Variants in ACTN2 observed in about 807,000 individuals in gnomAD.
ACTN2 encodes the protein actinin alpha 2.
ACTN2 carries 39 observed loss-of-function variants against 113.8 expected under a neutral mutation model. The observed-to-expected ratio is 0.34, with a 90% CI of 0.27 to 0.45. The LOEUF is 0.45. Among genes scored for constraint, ACTN2 ranks in the 20% least tolerant of loss-of-function variants. The pLI is 1.00. For missense variants in ACTN2, 992 were observed against 1,177.9 expected, an observed-to-expected ratio of 0.84 and a Z score of 2.31; for synonymous variants, 429 against 444.1, an observed-to-expected ratio of 0.97 and a Z score of 0.43.
chr1:236,731,521 TCAAA>T (rs1658712094), intron 7 of ACTN2, among the ~76,000 whole-genome samples: 1 of 152,178 alleles, frequency 6.6e-6, no homozygotes, highest in South Asian at 2.1e-4. Context: ...AATTGTACCC[TCAAA>T]CAAGCCAGCA....
intron 1 of ACTN2, among the ~76,000 whole-genome samples, chr1:236,696,458 TTTAAG>T (rs1400837946): frequency 6.6e-6 from 1 of 152,178 alleles, no homozygotes; most frequent in African/African-American, 2.4e-5. Flanking sequence ...ATGTGGAGTC[TTTAAG>T]TTATTTTGTT....
chr1:236,711,951 G>A (rs1658040186), intron 1 of ACTN2, among the ~76,000 whole-genome samples: 3 of 152,294 alleles, frequency 2.0e-5, no homozygotes, highest in South Asian at 4.1e-4. Flanking sequence ...GTCTGTATCT[G>A]ATTCAGTAAA....
chr1:236,747,286 G>A (rs916857042), intron 12 of ACTN2, among the ~76,000 whole-genome samples: 7 of 152,182 alleles, frequency 4.6e-5, no homozygotes, highest in African/African-American at 1.7e-4. Context: ...AGTGATGACA[G>A]TTAACAAAAC....
At chr1:236,736,979 A>G (rs1658896718) in intron 8 of ACTN2, 143 bp from the exon 9 acceptor site, 1 of 690,952 alleles carries the variant, frequency 1.4e-6, no homozygotes, top group Admixed American at 2.1e-5. Flanking sequence ...CCATGCCTTC[A>G]GTCTGACCGC....
At chr1:236,759,851 T>C (rs1659654799) in intron 19 of ACTN2, 62 bp downstream of exon 19, 2 of 1,518,078 alleles carry the variant, frequency 1.3e-6, no homozygotes, top group East Asian at 2.3e-5. Flanking sequence ...ATTTCTGTTA[T>C]AAAAGATGAC....
chr1:236,737,486 C>T (rs536726039), intron 9 of ACTN2, among the ~76,000 whole-genome samples: 3 of 150,574 alleles, frequency 2.0e-5, no homozygotes, highest in East Asian at 2.0e-4. Context: ...TAGGAGAATG[C>T]GATTCTCTGC....
chr1:236,746,501 A>G (rs1659242732), intron 12 of ACTN2, among the ~76,000 whole-genome samples: 1 of 152,002 alleles, frequency 6.6e-6, no homozygotes, highest in Non-Finnish European at 1.5e-5. Flanking sequence ...TGAGACCAGG[A>G]GTTCGAGACC....
intron 1 of ACTN2, among the ~76,000 whole-genome samples, chr1:236,694,191 G>C (rs1657393175): frequency 6.6e-6 from 1 of 151,290 alleles, no homozygotes. Flanking sequence ...CTCACACAGA[G>C]TCTGCACTGA....
intron 1 of ACTN2, among the ~76,000 whole-genome samples, chr1:236,689,515 A>T (rs1200191978): frequency 3.3e-5 from 5 of 151,754 alleles, no homozygotes; most frequent in Non-Finnish European, 7.4e-5. Flanking sequence ...CACATGGCTA[A>T]TTTTTTTATT....
At chr1:236,731,956 C>A (rs1002274032) in intron 7 of ACTN2, among the ~76,000 whole-genome samples, 1 of 152,192 alleles carries the variant, frequency 6.6e-6, no homozygotes, top group Non-Finnish European at 1.5e-5. Flanking sequence ...CTACAGCAGA[C>A]CACTGAAAGC....
chr1:236,752,845 G>T (rs970187485), intron 15 of ACTN2, among the ~76,000 whole-genome samples: 2 of 152,150 alleles, frequency 1.3e-5, no homozygotes, highest in South Asian at 2.1e-4. Flanking sequence ...GAGCCGTCAC[G>T]CCTGGGCAGA....
chr1:236,752,783 C>T (rs1659437749), intron 15 of ACTN2, among the ~76,000 whole-genome samples: 1 of 152,062 alleles, frequency 6.6e-6, no homozygotes, highest in South Asian at 2.1e-4. Context: ...AAACTCCTGA[C>T]GTCAGGTGAT....
At position 236,751,460 on chromosome 1, in the gene ACTN2, TC is replaced by T; in HGVS notation, c.1657-9del. On this transcript the variant is annotated splice_polypyrimidine_tract_variant and intron_variant, in intron 14 of 20. Coordinates refer to ENST00000366578, the MANE Select transcript of ACTN2 (RefSeq NM_001103.4). The stretch of plus-strand genomic sequence containing the variant: ...CACATTGTTTTTCTCCACTTGTGTC[TC>T]GGGTGTAGAGTCTGATCACTGCGCA... 1 of 1,613,980 alleles carries T rather than the reference TC, an allele frequency of 6.2e-7. No homozygotes were observed. Among genetic ancestry groups the T allele is most frequent in the Non-Finnish European group, 8.5e-7 (1 of 1,180,028 alleles).
At chr1:236,701,341 T>C (rs977097917) in intron 1 of ACTN2, among the ~76,000 whole-genome samples, 2 of 152,052 alleles carry the variant, frequency 1.3e-5, no homozygotes, top group African/African-American at 4.8e-5. Context: ...AATGGAAACA[T>C]TGGTGAAGTG....
chr1:236,724,871 C>T (rs1434287759), intron 4 of ACTN2, among the ~76,000 whole-genome samples: 3 of 119,216 alleles, frequency 2.5e-5, no homozygotes, highest in African/African-American at 9.5e-5. Context: ...GGTGAGAAGT[C>T]AATTGGCCAA....
At chr1:236,751,036 G>A (rs527831406) in intron 14 of ACTN2, among the ~76,000 whole-genome samples, 37 of 142,362 alleles carry the variant, frequency 2.6e-4, no homozygotes, top group Non-Finnish European at 2.1e-4. Context: ...GCTGCAGTGA[G>A]CCATGATTGC....
At position 236,742,908 on chromosome 1, in the gene ACTN2, G is replaced by T; in HGVS notation, c.1120G>T (p.Ala374Ser). 6.2e-7 allele frequency: 1 copy of T among 1,614,202 alleles called. No individual in the cohort carries two copies. The highest frequency in any genetic ancestry group is 1.1e-5 in the South Asian group (1 of 91,082). Residue 374 changes from alanine to serine, a missense_variant, in exon 11 of 21, where the codon GCC (alanine) becomes TCC (serine). Physicochemically the swap from Ala to Ser is moderately conservative, Grantham distance 99 (BLOSUM62 1). Transcript: ENST00000366578. Reference sequence around the variant, plus strand: ...CCAACCATCCCAGGATATTGCTGGTGCCTGGCAGAGGCTGGAGCAGGCTGA... The same window carrying T: ...CCAACCATCCCAGGATATTGCTGGTTCCTGGCAGAGGCTGGAGCAGGCTGA... ...EGKMVSDIAG[A>S]WQRLEQAEKG...
chr1:236,713,226 C>CTTTTTTTTT (rs60295974), intron 1 of ACTN2, among the ~76,000 whole-genome samples: 1 of 144,020 alleles, frequency 6.9e-6, no homozygotes, highest in Non-Finnish European at 1.5e-5. Context: ...GTTCTTTTTT[C>CTTTTTTTTT]TTTTTTTTTT....
chr1:236,749,401 C>G, intron 14 of ACTN2, 137 bp downstream of exon 14: 1 of 1,102,592 alleles, frequency 9.1e-7, no homozygotes, highest in South Asian at 1.4e-5. Context: ...CCCAAATTAC[C>G]CTTGAACCTT....
Sources: gnomAD v4.1 joint callset for allele counts (sites outside exome capture counted in the v4.1 genomes callset) on GRCh38, gnomAD v4.1.1 for gene constraint, MANE v1.5 for transcripts, NCBI Gene and HGNC (gene_info 2026-07-23, HGNC 2026-07-21) for gene names.